The following DPEP1 variants were observed in gnomAD, a reference collection of about 807,000 sequenced individuals.
DPEP1 encodes dipeptidase 1.
In DPEP1, 50 loss-of-function variants were observed where a neutral mutation model predicts 42.3. That is an observed-to-expected ratio of 1.18 (90% CI 0.94 to 1.50). DPEP1 has a LOEUF of 1.50. Among genes scored for constraint, DPEP1 ranks in the 40% most tolerant of loss-of-function variants. The probability of loss-of-function intolerance (pLI) is 0.00; values close to 1 mark genes in which losing one functional copy is unlikely to be tolerated. For missense variants in DPEP1, 663 were observed against 553.0 expected, an observed-to-expected ratio of 1.20 and a Z score of -1.99; for synonymous variants, 297 against 234.0, an observed-to-expected ratio of 1.27 and a Z score of -2.46.
chr16:89,638,329 G>T lies in DPEP1; in HGVS notation c.*107G>T. On this transcript the variant is annotated 3_prime_UTR_variant, in exon 11 of 11. Transcript: ENST00000690203. The stretch of plus-strand genomic sequence containing the variant: ...CCCTGCTGCCCACATGCAAGGACCA[G>T]CATCTCCTGAGAGGACGCCTGGGCT... 1 of 1,439,108 alleles carries T rather than the reference G, an allele frequency of 6.9e-7. No homozygotes were observed. The highest frequency in any genetic ancestry group is 1.5e-5 in the South Asian group (1 of 67,516). 89.1% of individuals were successfully genotyped at this position (1,439,108 alleles called of 1,614,324 possible). A position where few individuals can be genotyped will look rare whatever the true frequency, so the allele number is the denominator to read the frequency against.
chr16:89,636,156 G>A, intron 3 of DPEP1, 108 bp from the exon 4 acceptor site: 1 of 1,547,278 alleles, frequency 6.5e-7, no homozygotes, highest in Non-Finnish European at 8.7e-7. Context: ...TCGGTGCCCA[G>A]GCCGAGGGAG....
intron 1 of DPEP1, among the ~76,000 whole-genome samples, chr16:89,621,806 G>A (rs930246970): frequency 3.3e-5 from 5 of 152,170 alleles, no homozygotes; most frequent in African/African-American, 9.7e-5. Context: ...CTAGGTACGC[G>A]GACGTATCTG....
Position 89,613,686 on chromosome 16 carries a change from T to C in DPEP1, c.-140T>C, listed in dbSNP as rs560386469. The C allele has an allele frequency of 6.5e-6, 1 of 152,830 alleles. No individual in the cohort carries two copies. Among genetic ancestry groups the C allele is most frequent in the Admixed American group, 6.5e-5 (1 of 15,308 alleles). 9.5% of individuals were successfully genotyped at this position (152,830 alleles called of 1,614,324 possible). Reference sequence around the variant, plus strand: ...CGTGGGAGCTGCCTAGGCCGGGCCCTGCCAGGGAGCAAGTCTGCATCGCAG... The same window carrying C: ...CGTGGGAGCTGCCTAGGCCGGGCCCCGCCAGGGAGCAAGTCTGCATCGCAG... On this transcript the variant is annotated 5_prime_UTR_variant, in exon 1 of 11. Coordinates refer to ENST00000690203, the MANE Select transcript of DPEP1 (RefSeq NM_001389466.1).
At chr16:89,614,596 C>T (rs138905076) in intron 1 of DPEP1, among the ~76,000 whole-genome samples, 1,585 of 152,270 alleles carry the variant, frequency 0.01, 25 homozygotes, top group African/African-American at 0.036. Flanking sequence ...AGATCGAGAC[C>T]ATCCTGGCTA....
At chr16:89,629,511 C>T (rs1034763319) in intron 1 of DPEP1, among the ~76,000 whole-genome samples, 2 of 8,136 alleles carry the variant, frequency 2.5e-4, no homozygotes, top group Non-Finnish European at 5.1e-4. Context: ...CTCCCCCCAC[C>T]CCCCCCCGAA....
chr16:89,616,523 C>T (rs1228738646), intron 1 of DPEP1, among the ~76,000 whole-genome samples: 2 of 152,160 alleles, frequency 1.3e-5, no homozygotes, highest in African/African-American at 4.8e-5. Context: ...TGGCCGACCT[C>T]GAGGACAGGG....
chr16:89,628,221 C>T (rs955811311), intron 1 of DPEP1, among the ~76,000 whole-genome samples: 9 of 150,956 alleles, frequency 6.0e-5, no homozygotes, highest in Non-Finnish European at 1.3e-4. Flanking sequence ...CACACCCGGC[C>T]ACAAAAGGTA....
chr16:89,629,357 C>G (rs1301114669), intron 1 of DPEP1, among the ~76,000 whole-genome samples: 2 of 152,060 alleles, frequency 1.3e-5, no homozygotes, highest in African/African-American at 4.8e-5. Flanking sequence ...CAAAAATTAG[C>G]CAGACGTGGT....
chr16:89,641,217 C>A (rs1293647387), downstream of DPEP1, among the ~76,000 whole-genome samples: 3 of 89,572 alleles, frequency 3.3e-5, no homozygotes, highest in Non-Finnish European at 6.4e-5. Context: ...CTCCGGAGGG[C>A]TGCGGGGGGG....
In DPEP1 at chr16:89,638,323, G is replaced by A. The variant is rs1445675852; in HGVS notation, c.*101G>A. ...CAGGAGCCCTGCTGCCCACATGCAA[G>A]GACCAGCATCTCCTGAGAGGACGCC... is the stretch of plus-strand genomic sequence containing the variant. On this transcript the variant is annotated 3_prime_UTR_variant, in exon 11 of 11. Transcript: ENST00000690203. 1 of 1,441,680 alleles carries A rather than the reference G, an allele frequency of 6.9e-7. No homozygotes were observed. The highest frequency in any genetic ancestry group is 9.1e-7 in the Non-Finnish European group (1 of 1,100,378). The allele number at this position is 1,441,680 out of a possible 1,614,324, so 89.3% of individuals were successfully genotyped here.
intron 2 of DPEP1, among the ~76,000 whole-genome samples, chr16:89,635,647 C>T (rs2059667418): frequency 6.6e-6 from 1 of 152,234 alleles, no homozygotes; most frequent in African/African-American, 2.4e-5. Context: ...CAGAAAAAGG[C>T]CCTGGAAGGG....
At position 89,623,321 on chromosome 16, in the gene DPEP1, T is replaced by G. The variant is rs10221116; in HGVS notation, c.-106-6984T>G. Among the ~76,000 whole-genome samples, 465 of 151,304 alleles carry G rather than the reference T, an allele frequency of 3.1e-3. 4 individuals carry two copies. Among genetic ancestry groups the G allele is most frequent in the African/African-American group, 0.011 (439 of 41,278 alleles). ...AAAAAAAATGCTCATGCCTTCCGGCTTCAAGGGCCCTGGTAACCGGGCATC... is the reference window on the plus strand; with the variant it reads ...AAAAAAAATGCTCATGCCTTCCGGCGTCAAGGGCCCTGGTAACCGGGCATC... On this transcript the variant is annotated intron_variant, in intron 1 of 10. Coordinates refer to ENST00000690203, the MANE Select transcript of DPEP1 (RefSeq NM_001389466.1).
At chr16:89,620,775 TG>T (rs980038394) in intron 1 of DPEP1, 3 of 151,858 alleles carry the variant, frequency 2.0e-5, no homozygotes, top group African/African-American at 7.3e-5. Context: ...GTCCCGCGCA[TG>T]GTGAGTCTCG....
chr16:89,617,166 G>A (rs1302470601), intron 1 of DPEP1, among the ~76,000 whole-genome samples: 1 of 152,160 alleles, frequency 6.6e-6, no homozygotes, highest in African/African-American at 2.4e-5. Flanking sequence ...AGAATTGCCA[G>A]GAATCAAGAC....
At chr16:89,634,075 T>C (rs1222902398) in intron 2 of DPEP1, among the ~76,000 whole-genome samples, 1 of 144,712 alleles carries the variant, frequency 6.9e-6, no homozygotes, top group Non-Finnish European at 1.5e-5. Flanking sequence ...CTATTTTTCT[T>C]TTCTCTTCTC....
rs1208064782 is a variant in DPEP1 at position 89,634,897 on chromosome 16, TCCCTTCCTTCCCTTTC to T, written c.105-992_105-977del. ...CCTTCCCTTTCCCTTCCTTCTCCTT[TCCCTTCCTTCCCTTTC>T]CCCTTCCTTCCCTTTCCCTTCCTTC... is the stretch of plus-strand genomic sequence containing the variant. On this transcript the variant is annotated intron_variant, in intron 2 of 10. Transcript: ENST00000690203. Among the ~76,000 whole-genome samples the T allele has an allele frequency of 2.2e-4, 20 of 89,836 alleles. No individual in the cohort carries two copies. The East Asian group carries it at 3.0e-3, about 14-fold the overall frequency. The allele number at this position is 89,836 out of a possible 152,430, so 58.9% of individuals were successfully genotyped here. A position where few individuals can be genotyped will look rare whatever the true frequency, so the allele number is the denominator to read the frequency against.
chr16:89,638,909 A>C (rs1420585439), downstream of DPEP1, among the ~76,000 whole-genome samples: 1 of 59,154 alleles, frequency 1.7e-5, no homozygotes. Flanking sequence ...CTGCACACAC[A>C]CACACACCGC....
At chr16:89,633,496 A>G (rs1347475303) in intron 2 of DPEP1, among the ~76,000 whole-genome samples, 2 of 152,212 alleles carry the variant, frequency 1.3e-5, no homozygotes, top group African/African-American at 2.4e-5. Flanking sequence ...CCATGGGTGC[A>G]TTCGCCTTGG....
In DPEP1 at chr16:89,637,537, C is replaced by A; in HGVS notation, c.838C>A (p.Leu280Met). 6.2e-7 allele frequency: 1 copy of A among 1,612,790 alleles called. No homozygotes were observed. The highest frequency in any genetic ancestry group is 1.1e-5 in the South Asian group (1 of 91,086). ...CATTTCCTGCACCAACAAGGCCAAC[C>A]TGTCCCAAGTGGCCGGTAGGTGGGG... ...NYISCTNKANLSQVADHLDHI... is the reference protein window; with the variant it reads ...NYISCTNKANMSQVADHLDHI... Residue 280 changes from leucine to methionine, a missense_variant, in exon 8 of 11, where the codon CTG becomes ATG. Transcript: ENST00000690203.
Sources: gnomAD v4.1 joint callset for allele counts (sites outside exome capture counted in the v4.1 genomes callset) on GRCh38, gnomAD v4.1.1 for gene constraint, MANE v1.5 for transcripts, NCBI Gene and HGNC (gene_info 2026-07-23, HGNC 2026-07-21) for gene names.